Variants in RP1 observed in about 807,000 individuals in gnomAD.
RP1 encodes the protein oxygen-regulated protein 1.
In RP1, 16 loss-of-function variants were observed where a neutral mutation model predicts 14.8. That is an observed-to-expected ratio of 1.08 (90% CI 0.73 to 1.65). The LOEUF is 1.65. Ranked by LOEUF, RP1 falls within the 40% of genes most tolerant of loss-of-function variation. The pLI, the probability that RP1 is intolerant of heterozygous loss-of-function variation, is 0.00. For missense variants in RP1, 2,631 were observed against 2,535.0 expected (o/e 1.04, Z -0.81); for synonymous variants, 876 against 883.6 (o/e 0.99, Z 0.15).
At chr8:54,594,589 A>G (rs942138109) in intron 1 of RP1, among the ~76,000 whole-genome samples, 6 of 152,270 alleles carry the variant, frequency 3.9e-5, no homozygotes, top group Admixed American at 2.0e-4. Flanking sequence ...AAACATGGAT[A>G]AAATTGGCAT....
At chr8:54,764,082 C>CA (rs1187710218) in intron 22 of RP1, among the ~76,000 whole-genome samples, 3 of 152,234 alleles carry the variant, frequency 2.0e-5, no homozygotes, top group South Asian at 2.1e-4. Context: ...TCACGGTCCT[C>CA]AGCACCTTCT....
intron 12 of RP1, among the ~76,000 whole-genome samples, chr8:54,688,822 A>C (rs1046109166): frequency 4.6e-5 from 7 of 152,144 alleles, no homozygotes; most frequent in Non-Finnish European, 8.8e-5. Context: ...TATGAACTTG[A>C]AAGTAGTTTT....
chr8:54,639,504 A>T (rs1429002974), intron 3 of RP1, among the ~76,000 whole-genome samples: 1 of 152,164 alleles, frequency 6.6e-6, no homozygotes, highest in Non-Finnish European at 1.5e-5. Flanking sequence ...TTTCAAAAGT[A>T]GTTGTATCAT....
chr8:54,834,443 A>C (rs1811610562), intron 24 of RP1, among the ~76,000 whole-genome samples: 1 of 152,072 alleles, frequency 6.6e-6, no homozygotes, highest in South Asian at 2.1e-4. Flanking sequence ...AGACTAAAGA[A>C]TAAAGCATTT....
chr8:54,705,318 A>G (rs1261593708), intron 14 of RP1, among the ~76,000 whole-genome samples: 1 of 152,244 alleles, frequency 6.6e-6, no homozygotes, highest in Non-Finnish European at 1.5e-5. Context: ...TAGGAAAAGC[A>G]CCAAACATGG....
chr8:54,694,690 T>A (rs148366784), intron 12 of RP1, among the ~76,000 whole-genome samples: 6 of 151,756 alleles, frequency 4.0e-5, no homozygotes, highest in African/African-American at 1.5e-4. Flanking sequence ...TTTTATTGCA[T>A]CTATTTGATT....
chr8:54,604,653 C>G (rs865785936), intron 1 of RP1, among the ~76,000 whole-genome samples: 3 of 152,206 alleles, frequency 2.0e-5, no homozygotes, highest in African/African-American at 7.2e-5. Flanking sequence ...ATTCGGCAGT[C>G]AATCCATCTG....
intron 24 of RP1, among the ~76,000 whole-genome samples, chr8:54,792,390 A>G (rs1023131894): frequency 2.0e-5 from 3 of 151,952 alleles, no homozygotes; most frequent in Admixed American, 6.6e-5. Context: ...AGAACATTTC[A>G]TCCAACAACA....
intron 24 of RP1, among the ~76,000 whole-genome samples, chr8:54,829,291 A>G (rs9650313): frequency 0.3 from 45,361 of 152,094 alleles, 7,039 homozygotes; most frequent in South Asian, 0.37. Context: ...CTTCCTGCCA[A>G]TGGCTAATGC....
intron 1 of RP1, among the ~76,000 whole-genome samples, chr8:54,570,018 G>C (rs1804487201): frequency 6.6e-6 from 1 of 152,156 alleles, no homozygotes; most frequent in South Asian, 2.1e-4. Context: ...CCTTGTCATG[G>C]GTGTTGGGTG....
At chr8:54,600,067 C>T (rs1233340675) in intron 1 of RP1, among the ~76,000 whole-genome samples, 1 of 152,078 alleles carries the variant, frequency 6.6e-6, no homozygotes, top group Non-Finnish European at 1.5e-5. Flanking sequence ...TGTCTTCATC[C>T]AAATCTCATC....
chr8:54,858,973 G>C (rs948703119), intron 27 of RP1, among the ~76,000 whole-genome samples: 1 of 152,084 alleles, frequency 6.6e-6, no homozygotes, highest in African/African-American at 2.4e-5. Flanking sequence ...TGTCACTGTA[G>C]AGCAGTGTCA....
downstream of RP1, among the ~76,000 whole-genome samples, chr8:54,774,071 T>C (rs1036452058): frequency 4.6e-5 from 7 of 152,238 alleles, no homozygotes; most frequent in Non-Finnish European, 1.0e-4. Flanking sequence ...ACATAAAATA[T>C]TCTATCACAT....
chr8:54,697,769 T>A (rs897680455), intron 12 of RP1, among the ~76,000 whole-genome samples: 2 of 152,050 alleles, frequency 1.3e-5, no homozygotes, highest in African/African-American at 2.4e-5. Context: ...TTGACAAACC[T>A]GACAAAAACA....
intron 1 of RP1, among the ~76,000 whole-genome samples, chr8:54,566,587 C>G (rs1469420126): frequency 6.6e-6 from 1 of 152,102 alleles, no homozygotes; most frequent in Non-Finnish European, 1.5e-5. Flanking sequence ...GAATCTCTAC[C>G]TGGTGGCTCT....
Position 54,625,047 on chromosome 8 carries a change from G to A in RP1, c.1165G>A (p.Ala389Thr). 1 of 1,614,212 alleles carries A rather than the reference G, an allele frequency of 6.2e-7. No individual in the cohort carries two copies. Among genetic ancestry groups the A allele is most frequent in the Non-Finnish European group, 8.5e-7 (1 of 1,180,040 alleles). Reference sequence around the variant, plus strand: ...AAAGCTTGCAGCATGTTCATTCTCTGCAGATGTGTCACCTATGGAGCGAAG... The same window carrying A: ...AAAGCTTGCAGCATGTTCATTCTCTACAGATGTGTCACCTATGGAGCGAAG... ...GLKLAACSFS[A>T]DVSPMERSSN... Residue 389 changes from alanine (A) to threonine (T), a missense_variant, in exon 4 of 4, where the codon GCA becomes ACA. Coordinates refer to ENST00000220676, the MANE Select transcript of RP1 (RefSeq NM_006269.2).
At chr8:54,700,692 C>T (rs1161721269) in intron 13 of RP1, among the ~76,000 whole-genome samples, 1 of 152,128 alleles carries the variant, frequency 6.6e-6, no homozygotes, top group Non-Finnish European at 1.5e-5. Context: ...AGCCCTTATT[C>T]CACTAGGTTG....
chr8:54,707,368 C>T (rs1232754815), intron 15 of RP1, among the ~76,000 whole-genome samples: 4 of 152,184 alleles, frequency 2.6e-5, no homozygotes, highest in South Asian at 2.1e-4. Context: ...AAGAGATCCA[C>T]TGCCTTGGCC....
chr8:54,815,888 A>ATT (rs946256204), intron 24 of RP1, among the ~76,000 whole-genome samples: 4 of 152,184 alleles, frequency 2.6e-5, no homozygotes, highest in Admixed American at 6.5e-5. Context: ...AGACATGAAC[A>ATT]TTTTGCCTTT....
Sources: allele counts gnomAD v4.1 joint callset (sites outside exome capture counted in the v4.1 genomes callset), GRCh38; gene constraint gnomAD v4.1.1; transcripts MANE v1.5; gene names NCBI Gene and HGNC (gene_info 2026-07-23, HGNC 2026-07-21).